Variants in ZFPM2 observed in about 807,000 individuals in gnomAD.
ZFPM2 encodes zinc finger protein, FOG family member 2.
In ZFPM2, 20 loss-of-function variants were observed where a neutral mutation model predicts 98.6. The observed-to-expected ratio is 0.20, with a 90% CI of 0.14 to 0.29. The LOEUF (loss-of-function observed/expected upper bound fraction) is 0.29. Among genes scored for constraint, ZFPM2 ranks in the 10% least tolerant of loss-of-function variants. The probability of loss-of-function intolerance (pLI) is 1.00; values close to 1 mark genes in which losing one functional copy is unlikely to be tolerated. For missense variants in ZFPM2, 1,310 were observed against 1,388.6 expected (o/e 0.94, Z 0.90); for synonymous variants, 518 against 502.7 (o/e 1.03, Z -0.41).
chr8:105,779,747 AGAGTTT>A (rs943592616), intron 5 of ZFPM2, among the ~76,000 whole-genome samples: 1 of 152,220 alleles, frequency 6.6e-6, no homozygotes, highest in Non-Finnish European at 1.5e-5. Context: ...AATCTTAATT[AGAGTTT>A]ATCAGCAGAG....
chr8:105,672,948 C>T (rs1243431987), intron 5 of ZFPM2, among the ~76,000 whole-genome samples: 2 of 152,072 alleles, frequency 1.3e-5, no homozygotes, highest in Admixed American at 6.6e-5. Flanking sequence ...TATTCTAATT[C>T]GGATTGCTGT....
chr8:105,616,225 AC>A (rs1396781703), intron 4 of ZFPM2, among the ~76,000 whole-genome samples: 2 of 152,152 alleles, frequency 1.3e-5, no homozygotes, highest in African/African-American at 4.8e-5. Flanking sequence ...ACTAGTGAAA[AC>A]AATACATAAA....
intron 3 of ZFPM2, among the ~76,000 whole-genome samples, chr8:105,538,909 G>A (rs1364987967): frequency 6.6e-6 from 1 of 152,050 alleles, no homozygotes; most frequent in East Asian, 1.9e-4. Flanking sequence ...CAGCTACTCG[G>A]GAGGCTGAGA....
intron 1 of ZFPM2, among the ~76,000 whole-genome samples, chr8:105,391,572 G>A (rs560520823): frequency 7.2e-5 from 11 of 151,782 alleles, no homozygotes; most frequent in South Asian, 2.1e-4. Flanking sequence ...CTACTTATGC[G>A]TCGTCAATAA....
chr8:105,515,933 T>TC (rs1813911749), intron 3 of ZFPM2, among the ~76,000 whole-genome samples: 1 of 125,704 alleles, frequency 8.0e-6, no homozygotes, highest in Admixed American at 7.9e-5. Flanking sequence ...TTTTTTTTTT[T>TC]TGAGATGGAG....
intron 5 of ZFPM2, among the ~76,000 whole-genome samples, chr8:105,724,661 T>A (rs991327515): frequency 3.9e-5 from 6 of 151,908 alleles, no homozygotes; most frequent in African/African-American, 1.4e-4. Context: ...TATGCAGTTA[T>A]GATTATTACT....
At chr8:105,712,661 C>T (rs1811431081) in intron 5 of ZFPM2, among the ~76,000 whole-genome samples, 1 of 151,862 alleles carries the variant, frequency 6.6e-6, no homozygotes, top group Non-Finnish European at 1.5e-5. Flanking sequence ...ATCCCATCAC[C>T]CAGATAGTGA....
chr8:105,521,071 T>C (rs1249880073), intron 3 of ZFPM2, among the ~76,000 whole-genome samples: 2 of 151,960 alleles, frequency 1.3e-5, no homozygotes, highest in African/African-American at 4.8e-5. Context: ...ACTGAACATA[T>C]GTGCCCACAG....
At chr8:105,365,846 G>A (rs1810494892) in intron 1 of ZFPM2, among the ~76,000 whole-genome samples, 1 of 152,046 alleles carries the variant, frequency 6.6e-6, no homozygotes, top group Non-Finnish European at 1.5e-5. Context: ...ATTTGCAAAC[G>A]TAGGCACTTT....
intron 5 of ZFPM2, among the ~76,000 whole-genome samples, chr8:105,779,904 T>G (rs1318185306): frequency 1.3e-5 from 2 of 152,218 alleles, no homozygotes; most frequent in African/African-American, 2.4e-5. Flanking sequence ...GAGTTTGAAC[T>G]GTGACTTTAT....
chr8:105,468,503 C>T (rs561993989), intron 3 of ZFPM2, among the ~76,000 whole-genome samples: 3 of 152,204 alleles, frequency 2.0e-5, no homozygotes, highest in Non-Finnish European at 2.9e-5. Flanking sequence ...TACGCAGCTC[C>T]TGGCTTCATT....
chr8:105,698,722 A>G (rs1811074477), intron 5 of ZFPM2, among the ~76,000 whole-genome samples: 1 of 152,216 alleles, frequency 6.6e-6, no homozygotes, highest in South Asian at 2.1e-4. Flanking sequence ...TACATTAGAC[A>G]GTTCCCTGAC....
At chr8:105,618,408 C>T (rs1321226590) in intron 4 of ZFPM2, among the ~76,000 whole-genome samples, 1 of 152,022 alleles carries the variant, frequency 6.6e-6, no homozygotes, top group East Asian at 1.9e-4. Context: ...TGATCTCTTT[C>T]ATAGAATTGT....
intron 4 of ZFPM2, among the ~76,000 whole-genome samples, chr8:105,599,246 C>T (rs554305039): frequency 7.8e-4 from 119 of 152,018 alleles, no homozygotes; most frequent in South Asian, 1.5e-3. Context: ...CACACCTAAA[C>T]GATATAAAGC....
intron 4 of ZFPM2, among the ~76,000 whole-genome samples, chr8:105,571,571 C>G (rs766046760): frequency 1.7e-4 from 26 of 152,124 alleles, no homozygotes; most frequent in Non-Finnish European, 2.8e-4. Context: ...GAGGAATTGT[C>G]ATTCTATACT....
chr8:105,748,169 A>G lies in ZFPM2; in HGVS notation c.533-40549A>G, dbSNP rs1586236750. Among the ~76,000 whole-genome samples the G allele has an allele frequency of 3.3e-5, 5 of 152,196 alleles. 1 individual carries two copies. Among genetic ancestry groups the G allele is most frequent in the Admixed American group, 3.3e-4 (5 of 15,270 alleles). ...ACACACACCTATGATAAAAGTTGGA[A>G]AGGATAAAAGGCTTTAGTTATTAAG... On this transcript the variant is annotated intron_variant, in intron 5 of 7. Coordinates refer to ENST00000407775, the MANE Select transcript of ZFPM2 (RefSeq NM_012082.4).
chr8:105,687,516 A>G (rs1472448035), intron 5 of ZFPM2, among the ~76,000 whole-genome samples: 1 of 152,224 alleles, frequency 6.6e-6, no homozygotes, highest in African/African-American at 2.4e-5. Context: ...GAAACTTGTG[A>G]AGAAGATGTA....
intron 5 of ZFPM2, among the ~76,000 whole-genome samples, chr8:105,724,345 A>G (rs1218226976): frequency 6.6e-6 from 1 of 151,850 alleles, no homozygotes; most frequent in Non-Finnish European, 1.5e-5. Flanking sequence ...GATATATATC[A>G]AGCAATTCAA....
At chr8:105,352,720 A>C (rs2129719363) in intron 1 of ZFPM2, among the ~76,000 whole-genome samples, 1 of 152,254 alleles carries the variant, frequency 6.6e-6, no homozygotes. Context: ...TATTGCCATG[A>C]GAAGCAGAGC....
Sources: allele counts gnomAD v4.1 joint callset (sites outside exome capture counted in the v4.1 genomes callset), GRCh38; gene constraint gnomAD v4.1.1; transcripts MANE v1.5; gene names NCBI Gene and HGNC (gene_info 2026-07-23, HGNC 2026-07-21).